Variants in SSH2 observed in about 807,000 individuals in gnomAD.
SSH2 encodes slingshot protein phosphatase 2.
In SSH2, 37 loss-of-function variants were observed where a neutral mutation model predicts 135.2. The ratio of observed to expected loss-of-function variants is 0.27; its 90% CI spans 0.21 to 0.36. The LOEUF (loss-of-function observed/expected upper bound fraction) is 0.36. SSH2 is among the 10% of genes least tolerant of loss of function. The pLI, the probability that SSH2 is intolerant of heterozygous loss-of-function variation, is 1.00. For missense variants in SSH2, 1,408 were observed against 1,765.3 expected, an observed-to-expected ratio of 0.80 and a Z score of 3.63; for synonymous variants, 628 against 646.2, an observed-to-expected ratio of 0.97 and a Z score of 0.43.
At chr17:29,929,795 G>T in intron 1 of SSH2, 143 bp downstream of exon 1, 1 of 720,830 alleles carries the variant, frequency 1.4e-6, no homozygotes, top group Non-Finnish European at 2.3e-6. Flanking sequence ...TTAACATGGG[G>T]GTGTGGGGGG....
At chr17:29,650,347 C>T (rs1028693082) in intron 13 of SSH2, among the ~76,000 whole-genome samples, 2 of 152,188 alleles carry the variant, frequency 1.3e-5, no homozygotes, top group African/African-American at 4.8e-5. Flanking sequence ...CCACTGGCAA[C>T]TTAATTTCAT....
chr17:29,702,369 C>A (rs1213183801), intron 4 of SSH2, among the ~76,000 whole-genome samples: 1 of 149,418 alleles, frequency 6.7e-6, no homozygotes, highest in African/African-American at 2.5e-5. Flanking sequence ...AAAAAAACAA[C>A]CCTGGCCGGG....
At chr17:29,889,942 G>C (rs547339779) in intron 1 of SSH2, among the ~76,000 whole-genome samples, 17 of 151,052 alleles carry the variant, frequency 1.1e-4, no homozygotes, top group Non-Finnish European at 2.5e-4. Flanking sequence ...CTGGGAAACA[G>C]AGCAAGACCC....
At chr17:29,666,843 A>G (rs1452821365) in intron 11 of SSH2, 24 bp downstream of exon 11, 8 of 1,613,388 alleles carry the variant, frequency 5.0e-6, no homozygotes, top group Non-Finnish European at 5.9e-6. Flanking sequence ...TTAGCACACC[A>G]CTTAAAGTGG....
chr17:29,915,841 T>G (rs2066871919), intron 1 of SSH2, among the ~76,000 whole-genome samples: 1 of 151,584 alleles, frequency 6.6e-6, no homozygotes, highest in Non-Finnish European at 1.5e-5. Flanking sequence ...ATATATATTT[T>G]TATTATACTT....
chr17:29,719,422 GA>G (rs2039742219), intron 3 of SSH2, among the ~76,000 whole-genome samples: 1 of 150,910 alleles, frequency 6.6e-6, no homozygotes, highest in Non-Finnish European at 1.5e-5. Flanking sequence ...TAAGGCAGGA[GA>G]ATCACTTGAA....
intron 1 of SSH2, among the ~76,000 whole-genome samples, chr17:29,868,367 G>A (rs550074058): frequency 1.3e-5 from 2 of 152,124 alleles, no homozygotes; most frequent in Non-Finnish European, 2.9e-5. Context: ...CCACAGTTCA[G>A]TAGCCAACAC....
In SSH2 at chr17:29,648,275, G is replaced by C; in HGVS notation, c.1296C>G (p.Ala432=). ...GVSRSASTVI[A]YAMKEYGWNL... ...TCCAGCCATATTCCTTCATTGCATAGGCAATCACGGTGGAGGCTGAGCGAC... is the reference window on the plus strand; with the variant it reads ...TCCAGCCATATTCCTTCATTGCATACGCAATCACGGTGGAGGCTGAGCGAC... The change falls in exon 14 of 16, where the codon GCC becomes GCG. Residue 432 remains alanine (A), a synonymous_variant. Coordinates refer to ENST00000540801, the MANE Select transcript of SSH2 (RefSeq NM_001282129.2). 1 of 1,614,164 alleles carries C rather than the reference G, an allele frequency of 6.2e-7. No homozygotes were observed. The highest frequency in any genetic ancestry group is 8.5e-7 in the Non-Finnish European group (1 of 1,180,036).
At chr17:29,708,692 GA>G (rs1314356516) in intron 3 of SSH2, among the ~76,000 whole-genome samples, 1 of 151,280 alleles carries the variant, frequency 6.6e-6, no homozygotes, top group Non-Finnish European at 1.5e-5. Context: ...GTCTGGCACA[GA>G]AACAGAACTG....
intron 1 of SSH2, among the ~76,000 whole-genome samples, chr17:29,897,620 T>C (rs1241828099): frequency 1.3e-5 from 2 of 152,130 alleles, no homozygotes; most frequent in Admixed American, 6.6e-5. Context: ...GCACCCAGAT[T>C]CATAAAGCAA....
chr17:29,906,230 TG>T (rs1487412743), intron 1 of SSH2, among the ~76,000 whole-genome samples: 2 of 152,166 alleles, frequency 1.3e-5, no homozygotes, highest in African/African-American at 4.8e-5. Flanking sequence ...CACAACCATC[TG>T]AACTTAACCT....
chr17:29,781,167 T>C (rs1340501381), intron 3 of SSH2, among the ~76,000 whole-genome samples: 2 of 152,198 alleles, frequency 1.3e-5, no homozygotes, highest in Non-Finnish European at 2.9e-5. Flanking sequence ...GTTAATATAG[T>C]CTTTAACTAG....
chr17:29,852,810 A>G (rs2065588677), intron 1 of SSH2, among the ~76,000 whole-genome samples: 1 of 151,894 alleles, frequency 6.6e-6, no homozygotes, highest in Non-Finnish European at 1.5e-5. Context: ...TCGGCCTCCC[A>G]AAGTGCTGGG....
chr17:29,726,049 CT>C (rs2039993279), intron 3 of SSH2, among the ~76,000 whole-genome samples: 1 of 152,256 alleles, frequency 6.6e-6, no homozygotes, highest in Admixed American at 6.5e-5. Context: ...AGGTGCACTG[CT>C]GTTTTAGGTA....
Position 29,630,716 on chromosome 17 carries a change from G to T in SSH2, c.*125C>A. The T allele has an allele frequency of 1.0e-6, 1 of 998,140 alleles. No individual in the cohort carries two copies. Among genetic ancestry groups the T allele is most frequent in the Non-Finnish European group, 1.5e-6 (1 of 681,868 alleles). The allele number at this position is 998,140 out of a possible 1,614,324, so 61.8% of individuals were successfully genotyped here. On this transcript the variant is annotated 3_prime_UTR_variant, in exon 16 of 16. Transcript: ENST00000540801. ...ACTGAAAAACACCCAAACCCTGCAT[G>T]CACCAGAAACAGTAAAATGACCAAA...
At position 29,632,914 on chromosome 17, in the gene SSH2, G is replaced by T; in HGVS notation, c.2280C>A (p.Val760=). The part of the protein sequence containing the change: ...EEQSKAISEL[V]SPDIFMQSHS... Reference sequence around the variant, plus strand: ...GAGACTGCATGAAGATGTCTGGGCTGACCAGTTCTGAAATTGCCTAAGAAG... The same window carrying T: ...GAGACTGCATGAAGATGTCTGGGCTTACCAGTTCTGAAATTGCCTAAGAAG... The change falls in exon 16 of 16, where the codon GTC becomes GTA. Residue 760 remains valine (V), a synonymous_variant. Transcript: ENST00000540801. The T allele has an allele frequency of 6.2e-7, 1 of 1,608,430 alleles. No individual in the cohort carries two copies. The highest frequency in any genetic ancestry group is 1.1e-5 in the South Asian group (1 of 90,214).
At chr17:29,832,347 A>T (rs1364635126) in intron 2 of SSH2, among the ~76,000 whole-genome samples, 1 of 152,036 alleles carries the variant, frequency 6.6e-6, no homozygotes, top group East Asian at 1.9e-4. Context: ...GCTTAGGCTG[A>T]TCTTGAAGTC....
At chr17:29,801,550 G>A (rs1013258857) in intron 2 of SSH2, among the ~76,000 whole-genome samples, 1 of 152,126 alleles carries the variant, frequency 6.6e-6, no homozygotes, top group African/African-American at 2.4e-5. Flanking sequence ...AGTAGTTTGT[G>A]ACATTTCTTT....
intron 6 of SSH2, among the ~76,000 whole-genome samples, chr17:29,683,834 A>G (rs537604618): frequency 6.6e-6 from 1 of 152,100 alleles, no homozygotes; most frequent in South Asian, 2.1e-4. Flanking sequence ...ACTTCTAGCT[A>G]CTTAGGAGGC....
Sources: gnomAD v4.1 joint callset for allele counts (sites outside exome capture counted in the v4.1 genomes callset) on GRCh38, gnomAD v4.1.1 for gene constraint, MANE v1.5 for transcripts, NCBI Gene and HGNC (gene_info 2026-07-23, HGNC 2026-07-21) for gene names.